Variants in HDLBP observed in about 807,000 individuals in gnomAD.
HDLBP encodes the protein vigilin.
In HDLBP, 30 loss-of-function variants were observed where a neutral mutation model predicts 137.3. That is an observed-to-expected ratio of 0.22 (90% confidence interval 0.16 to 0.30). The LOEUF is 0.30. HDLBP is among the 10% of genes least tolerant of loss of function. The pLI is 1.00. For missense variants in HDLBP, 1,119 were observed against 1,667.3 expected, an observed-to-expected ratio of 0.67 and a Z score of 5.73; for synonymous variants, 606 against 596.0, an observed-to-expected ratio of 1.02 and a Z score of -0.24.
At position 241,230,833 on chromosome 2, in the gene HDLBP, G is replaced by T; in HGVS notation, c.3400C>A (p.Leu1134Met). The change falls in exon 25 of 28, where the codon CTG becomes ATG. Residue 1134 changes from leucine (L) to methionine (M), a missense_variant. This residue lies in a region of HDLBP where 618 missense variants were observed against 816.7 expected (regional missense o/e 0.76). Transcript: ENST00000310931. The surrounding 1 kb of genome is among the most constrained non-coding windows in gnomAD (Gnocchi z 5.0). Reference sequence around the variant, plus strand: ...ATGCGGGCGTGAACGCGGTGGTCCAGCGGGACGTCCTCAGAAACCATCTGC... The same window carrying T: ...ATGCGGGCGTGAACGCGGTGGTCCATCGGGACGTCCTCAGAAACCATCTGC... ...LEQMVSEDVP[L>M]DHRVHARIIG... The T allele has an allele frequency of 6.2e-7, 1 of 1,614,198 alleles. No homozygotes were observed. Among genetic ancestry groups the T allele is most frequent in the Non-Finnish European group, 8.5e-7 (1 of 1,180,020 alleles).
At chr2:241,288,071 T>G (rs2074889458) in intron 1 of HDLBP, among the ~76,000 whole-genome samples, 1 of 152,200 alleles carries the variant, frequency 6.6e-6, no homozygotes, top group Non-Finnish European at 1.5e-5. Flanking sequence ...AAGCTCTGTA[T>G]TATATGAGGC....
intron 11 of HDLBP, among the ~76,000 whole-genome samples, chr2:241,251,959 G>C (rs1020868398): frequency 2.0e-5 from 3 of 152,088 alleles, no homozygotes; most frequent in African/African-American, 7.2e-5. Context: ...CCTGGTGACA[G>C]AGCGAGACTC....
intron 1 of HDLBP, among the ~76,000 whole-genome samples, chr2:241,301,771 GT>G (rs200273002): frequency 1.1e-3 from 156 of 144,184 alleles, no homozygotes; most frequent in Admixed American, 1.9e-3. Flanking sequence ...CTTTCGTTTT[GT>G]TTTTTTTTTT....
chr2:241,231,556 G>A (rs1296617278), intron 24 of HDLBP, among the ~76,000 whole-genome samples: 1 of 151,800 alleles, frequency 6.6e-6, no homozygotes, highest in African/African-American at 2.4e-5. Flanking sequence ...CAAGGACAGC[G>A]GGGCAAAGAC....
At chr2:241,286,990 T>G (rs1274680401) in intron 1 of HDLBP, among the ~76,000 whole-genome samples, 1 of 151,328 alleles carries the variant, frequency 6.6e-6, no homozygotes, top group Non-Finnish European at 1.5e-5. Context: ...GCCAGTCCCA[T>G]TTCAAATAGG....
chr2:241,252,124 C>T (rs527452669), intron 11 of HDLBP, among the ~76,000 whole-genome samples: 1 of 152,238 alleles, frequency 6.6e-6, no homozygotes, highest in Non-Finnish European at 1.5e-5. Context: ...ATACTTCCAA[C>T]AGTGTCCTGT....
chr2:241,240,136 TC>T lies in HDLBP; in HGVS notation c.2170-15del. The T allele has an allele frequency of 2.5e-6, 4 of 1,612,602 alleles. No individual in the cohort carries two copies. Among genetic ancestry groups the T allele is most frequent in the Non-Finnish European group, 3.4e-6 (4 of 1,178,644 alleles). On this transcript the variant is annotated splice_polypyrimidine_tract_variant and intron_variant, in intron 17 of 27. Transcript: ENST00000310931. This position sits in a 1 kb window ranked among gnomAD's most constrained non-coding sequence, Gnocchi z 5.5. The stretch of plus-strand genomic sequence containing the variant: ...ACTCTTGGTTTGCTGCAGAAACCAA[TC>T]CCACTGTGTTAGCCTGACACCACGT...
chr2:241,275,101 C>T (rs1193891584), intron 1 of HDLBP, among the ~76,000 whole-genome samples: 1 of 152,182 alleles, frequency 6.6e-6, no homozygotes, highest in African/African-American at 2.4e-5. Flanking sequence ...GGACAATGGA[C>T]TAGTACTCTA....
At chr2:241,296,434 T>C (rs1407225183) in intron 1 of HDLBP, among the ~76,000 whole-genome samples, 1 of 152,192 alleles carries the variant, frequency 6.6e-6, no homozygotes, top group South Asian at 2.1e-4. Flanking sequence ...GATTTGGGGC[T>C]GCAAAAAGTC....
intron 1 of HDLBP, among the ~76,000 whole-genome samples, chr2:241,285,186 A>G (rs1301868270): frequency 6.6e-6 from 1 of 152,216 alleles, no homozygotes; most frequent in Non-Finnish European, 1.5e-5. Context: ...AGCCTTAACC[A>G]TTATTTTAAA....
At chr2:241,256,458 CA>C (rs1218603958) in intron 6 of HDLBP, 59 bp from the exon 7 acceptor site, 4 of 1,528,626 alleles carry the variant, frequency 2.6e-6, no homozygotes, top group Non-Finnish European at 3.6e-6. Flanking sequence ...TGGGGACAGA[CA>C]GGGCTTTTTA....
chr2:241,273,641 C>T (rs1248151865), intron 1 of HDLBP: 5 of 985,290 alleles, frequency 5.1e-6, no homozygotes, highest in Non-Finnish European at 6.0e-6. Context: ...CTGGCAAAGT[C>T]GCAGGTCAAC....
chr2:241,278,446 G>A (rs2074478413), intron 1 of HDLBP, among the ~76,000 whole-genome samples: 2 of 152,138 alleles, frequency 1.3e-5, no homozygotes, highest in African/African-American at 4.8e-5. Flanking sequence ...AGCCGGGCAT[G>A]GTGGCACATG....
Position 241,266,820 on chromosome 2 carries a change from C to T in HDLBP, c.50G>A (p.Ser17Asn). ...TTTGATTTGTTGCGGAACCAGCCCA[C>T]TTCGGTGTTCAGCAAAACTCTCTTG... is the stretch of plus-strand genomic sequence containing the variant. ...LTQESFAEHR[S>N]GLVPQQIKVA... Residue 17 changes from serine to asparagine, a missense_variant, in exon 3 of 28, where the codon AGT becomes AAT. Ser to Asn is a conservative substitution (Grantham distance 46). Transcript: ENST00000310931. The T allele has an allele frequency of 6.2e-7, 1 of 1,613,338 alleles. No individual in the cohort carries two copies. The highest frequency in any genetic ancestry group is 2.2e-5 in the East Asian group (1 of 44,880).
chr2:241,273,768 C>G (rs1322722189), intron 1 of HDLBP: 17 of 619,270 alleles, frequency 2.7e-5, no homozygotes, highest in East Asian at 1.4e-4. Context: ...CAGGTCCGCA[C>G]AGCCTGCAGC....
rs1248964755 is a variant in HDLBP, at chr2:241,256,744, C to G, written c.513G>C (p.Glu171Asp). ...HHRFVIGKNG[E>D]KLQDLELKTA... ...TTTTTAGCTCCAAGTCTTGCAGTTT[C>G]TCTCCATTTTTGCCAATAACAAAGC... Residue 171 changes from glutamate (E) to aspartate (D), a missense_variant, in exon 6 of 28, where the codon GAG (glutamate) becomes GAC (aspartate). Coordinates refer to ENST00000310931, the MANE Select transcript of HDLBP (RefSeq NM_005336.6). The G allele has an allele frequency of 6.2e-7, 1 of 1,614,080 alleles. No individual in the cohort carries two copies. Among genetic ancestry groups the G allele is most frequent in the Non-Finnish European group, 8.5e-7 (1 of 1,180,036 alleles).
At position 241,283,754 on chromosome 2, in the gene HDLBP, G is replaced by T. The variant is rs766916564; in HGVS notation, c.-102-15213C>A. Among the ~76,000 whole-genome samples, 51 of 152,270 alleles carry T rather than the reference G, an allele frequency of 3.3e-4. 1 individual carries two copies. The highest frequency in any genetic ancestry group is 2.1e-3 in the South Asian group (10 of 4,824). On this transcript the variant is annotated intron_variant, in intron 1 of 27. Transcript: ENST00000310931. Reference sequence around the variant, plus strand: ...CTCCCGAAGTGCTGGGATTACAGGCGTGAGCTACTGCGCCCAGCCAATAGC... The same window carrying T: ...CTCCCGAAGTGCTGGGATTACAGGCTTGAGCTACTGCGCCCAGCCAATAGC...
intron 1 of HDLBP, among the ~76,000 whole-genome samples, chr2:241,286,132 G>A (rs1250526517): frequency 3.9e-5 from 6 of 152,014 alleles, no homozygotes; most frequent in Admixed American, 3.9e-4. Flanking sequence ...AATCCTAGAC[G>A]ACATATTATC....
rs145680983 is a variant in HDLBP at position 241,281,643 on chromosome 2, C to T, written c.-102-13102G>A. ...AACATCTACTGGCCACATGTCACTA[C>T]AGCCTTCACACGTGGCTAGTTTAAA... On this transcript the variant is annotated intron_variant, in intron 1 of 27. Transcript: ENST00000310931. 4.5e-4 allele frequency among the ~76,000 whole-genome samples: 69 copies of T among 152,316 alleles called. No homozygotes were observed. In the East Asian group the frequency reaches 0.013, roughly 28 times the overall value.
Sources: allele counts gnomAD v4.1 joint callset (sites outside exome capture counted in the v4.1 genomes callset), GRCh38; gene constraint gnomAD v4.1.1; regional missense constraint gnomAD v4.1.1; non-coding constraint Gnocchi (gnomAD v3.1); transcripts MANE v1.5; gene names NCBI Gene and HGNC (gene_info 2026-07-23, HGNC 2026-07-21).